The following DEFB110 variants were observed in gnomAD, a reference collection of about 807,000 sequenced individuals.
DEFB110 encodes the protein defensin beta 110.
Under a neutral mutation model 2.5 loss-of-function variants are expected in DEFB110, and 4 were observed. That is an observed-to-expected ratio of 1.60 (90% CI 0.79 to 3.66). DEFB110 has a LOEUF of 3.66. DEFB110 is among the 30% of genes most tolerant of loss of function. The probability of loss-of-function intolerance (pLI) is 0.01; values close to 1 mark genes in which losing one functional copy is unlikely to be tolerated. For synonymous variants in DEFB110, 29 were observed against 21.8 expected, an observed-to-expected ratio of 1.33 and a Z score of -0.92; for missense variants, 94 against 75.4, an observed-to-expected ratio of 1.25 and a Z score of -0.91.
chr6:50,020,244 C>T (rs1419281423), intron 1 of DEFB110, among the ~76,000 whole-genome samples: 1 of 151,816 alleles, frequency 6.6e-6, no homozygotes, highest in African/African-American at 2.4e-5. Context: ...TAAAGATGGA[C>T]TCTCACTAGA....
At chr6:50,009,990 A>G (rs921598124) in intron 1 of DEFB110, among the ~76,000 whole-genome samples, 3 of 152,058 alleles carry the variant, frequency 2.0e-5, no homozygotes, top group Non-Finnish European at 2.9e-5. Context: ...GTTACTTTAA[A>G]GTTTTATTGT....
downstream of DEFB110, among the ~76,000 whole-genome samples, chr6:50,016,045 T>A (rs983213297): frequency 2.0e-5 from 3 of 151,782 alleles, no homozygotes; most frequent in Admixed American, 6.6e-5. Context: ...ACATTAAGCC[T>A]GGGAAGAAGT....
At chr6:50,014,417 A>G (rs1774282508), downstream of DEFB110, among the ~76,000 whole-genome samples, 1 of 151,786 alleles carries the variant, frequency 6.6e-6, no homozygotes, top group Non-Finnish European at 1.5e-5. Flanking sequence ...TAAGAACAAA[A>G]TAAGGGAGGA....
Position 50,019,074 on chromosome 6 carries a change from C to G in DEFB110, c.107G>C (p.Arg36Thr). 6.2e-7 allele frequency: 1 copy of G among 1,613,218 alleles called. No individual in the cohort carries two copies. The highest frequency in any genetic ancestry group is 8.5e-7 in the Non-Finnish European group (1 of 1,179,402). ...ATTTTTACATTGACCATTACCTATT[C>G]TGCACTCTCTCCTCAAGTCCAAGCT... ...YGSLDLRREC[R>T]IGNGQCKNQC... The change falls in exon 2 of 2, where the codon AGA becomes ACA. Residue 36 changes from arginine to threonine, a missense_variant. Coordinates refer to ENST00000371148, the MANE Select transcript of DEFB110 (RefSeq NM_001037497.2).
intron 1 of DEFB110, among the ~76,000 whole-genome samples, chr6:50,021,401 C>T (rs1029223014): frequency 6.6e-6 from 1 of 152,096 alleles, no homozygotes; most frequent in Non-Finnish European, 1.5e-5. Context: ...TCTAGTGATA[C>T]TTCGATATTT....
chr6:50,011,400 A>G (rs1208327415), intron 1 of DEFB110, among the ~76,000 whole-genome samples: 2 of 151,990 alleles, frequency 1.3e-5, no homozygotes, highest in South Asian at 2.1e-4. Context: ...GCCCATGATA[A>G]CTATTTTTCA....
chr6:50,009,140 A>G (rs1313479117), exon 2 of DEFB110: 2 of 1,609,054 alleles, frequency 1.2e-6, no homozygotes, highest in Non-Finnish European at 1.7e-6. Flanking sequence ...TCCAGAGTTT[A>G]TACGCAGCAC....
At position 50,019,088 on chromosome 6, in the gene DEFB110, C is replaced by A; in HGVS notation, c.93G>T (p.Leu31Phe). 6.2e-7 allele frequency: 1 copy of A among 1,613,060 alleles called. No homozygotes were observed. The highest frequency in any genetic ancestry group is 8.5e-7 in the Non-Finnish European group (1 of 1,179,330). Residue 31 changes from leucine to phenylalanine, a missense_variant, in exon 2 of 2, where the codon TTG becomes TTT. Physicochemically the swap from Leu to Phe is conservative, Grantham distance 22 (BLOSUM62 0). Transcript: ENST00000371148. ...KKYPEYGSLDLRRECRIGNGQ... is the reference protein window; with the variant it reads ...KKYPEYGSLDFRRECRIGNGQ... ...CATTACCTATTCTGCACTCTCTCCT[C>A]AAGTCCAAGCTACCATACTCAGGAT...
chr6:50,019,386 GA>G (rs1437552370), intron 1 of DEFB110, among the ~76,000 whole-genome samples: 3 of 151,948 alleles, frequency 2.0e-5, no homozygotes, highest in Admixed American at 6.6e-5. Flanking sequence ...TAAATCAATG[GA>G]AAAAAAGTGA....
chr6:50,021,404 C>T (rs1370016230), intron 1 of DEFB110, among the ~76,000 whole-genome samples: 2 of 152,062 alleles, frequency 1.3e-5, no homozygotes, highest in Admixed American at 6.6e-5. Flanking sequence ...AGTGATACTT[C>T]GATATTTCAA....
chr6:50,010,999 T>C (rs1220004667), intron 1 of DEFB110, among the ~76,000 whole-genome samples: 1 of 151,904 alleles, frequency 6.6e-6, no homozygotes, highest in Non-Finnish European at 1.5e-5. Flanking sequence ...TGAGGAAATC[T>C]ATAGAACCAT....
rs113791858 is a variant in DEFB110 at position 50,020,729 on chromosome 6, A to G, written c.55+1152T>C. On this transcript the variant is annotated intron_variant, in intron 1 of 1. Transcript: ENST00000371148. ...TACTATTAATATTGGCTTTCTTCTC[A>G]ATGTAACCAAAGCAATTCAGAGTAT... 2.3e-3 allele frequency among the ~76,000 whole-genome samples: 357 copies of G among 152,304 alleles called. 3 individuals carry two copies. Among genetic ancestry groups the G allele is most frequent in the African/African-American group, 6.2e-3 (258 of 41,580 alleles).
intron 1 of DEFB110, among the ~76,000 whole-genome samples, chr6:50,011,335 A>G (rs1477447972): frequency 6.6e-6 from 1 of 152,058 alleles, no homozygotes; most frequent in East Asian, 1.9e-4. Context: ...GATGCATAGT[A>G]TCTCTTTCAC....
intron 1 of DEFB110, among the ~76,000 whole-genome samples, chr6:50,020,590 T>A (rs1299233534): frequency 6.6e-6 from 1 of 152,190 alleles, no homozygotes; most frequent in African/African-American, 2.4e-5. Context: ...AGGCAGTCTG[T>A]CTGCAGTTCC....
At chr6:50,018,836 T>C (rs1430505099), downstream of DEFB110, 1 of 1,355,520 alleles carries the variant, frequency 7.4e-7, no homozygotes, top group Admixed American at 3.6e-5. Flanking sequence ...TGACATATGA[T>C]CACTTCTGAA....
chr6:50,019,908 C>A (rs596450), intron 1 of DEFB110, among the ~76,000 whole-genome samples: 2,648 of 152,154 alleles, frequency 0.017, 73 homozygotes, highest in African/African-American at 0.06. Context: ...GGCACGCAGA[C>A]ACACCCATTT....
At chr6:50,009,378 AGTTG>A (rs1774189403) in intron 1 of DEFB110, 2 of 1,185,032 alleles carry the variant, frequency 1.7e-6, no homozygotes, top group Non-Finnish European at 2.3e-6. Context: ...TGTGTGTGCA[AGTTG>A]GAGACAATGG....
downstream of DEFB110, among the ~76,000 whole-genome samples, chr6:50,015,747 T>C (rs1439214886): frequency 6.6e-6 from 1 of 151,854 alleles, no homozygotes; most frequent in Non-Finnish European, 1.5e-5. Context: ...TTGTTAGTTT[T>C]GTTTTTTTAT....
At chr6:50,019,348 A>C (rs545888832) in intron 1 of DEFB110, among the ~76,000 whole-genome samples, 1 of 152,092 alleles carries the variant, frequency 6.6e-6, no homozygotes, top group Non-Finnish European at 1.5e-5. Context: ...CTTACAAGAA[A>C]CTGGGCAGTG....
Sources: allele counts gnomAD v4.1 joint callset (sites outside exome capture counted in the v4.1 genomes callset), GRCh38; gene constraint gnomAD v4.1.1; transcripts MANE v1.5; gene names NCBI Gene and HGNC (gene_info 2026-07-23, HGNC 2026-07-21).